The following DIAPH3 variants were observed in gnomAD, a reference collection of about 807,000 sequenced individuals.
DIAPH3 encodes the protein protein diaphanous homolog 3.
Under a neutral mutation model 144.3 loss-of-function variants are expected in DIAPH3, and 117 were observed. That is an observed-to-expected ratio of 0.81 (90% CI 0.70 to 0.95). The LOEUF (loss-of-function observed/expected upper bound fraction) is 0.95. DIAPH3 is among the 40% of genes least tolerant of loss of function. The pLI is 0.00. For missense variants in DIAPH3, 1,421 were observed against 1,412.7 expected (o/e 1.01, Z -0.09); for synonymous variants, 519 against 488.9 (o/e 1.06, Z -0.81).
intron 15 of DIAPH3, among the ~76,000 whole-genome samples, chr13:59,973,893 T>C (rs2050525294): frequency 6.6e-6 from 1 of 152,132 alleles, no homozygotes; most frequent in Non-Finnish European, 1.5e-5. Flanking sequence ...TTTTTTGTCA[T>C]GTTTTAAATC....
chr13:59,881,814 A>C lies in DIAPH3; in HGVS notation c.2368-2346T>G, dbSNP rs148263182. On this transcript the variant is annotated intron_variant, in intron 20 of 27. Transcript: ENST00000400324. ...AACAAAGCTTTGAACAACACTTAAA[A>C]AAAAAATTAGATGTCCTTTTCCTAT... Among the ~76,000 whole-genome samples, 540 of 152,294 alleles carry C rather than the reference A, an allele frequency of 3.5e-3. 4 individuals carry two copies. The highest frequency in any genetic ancestry group is 0.013 in the African/African-American group (525 of 41,582).
At chr13:59,707,545 T>C (rs2034498042) in intron 27 of DIAPH3, among the ~76,000 whole-genome samples, 1 of 152,230 alleles carries the variant, frequency 6.6e-6, no homozygotes. Flanking sequence ...CTGGTACTTC[T>C]GGGAGTTTAA....
At chr13:59,770,683 G>T (rs2038075955) in intron 27 of DIAPH3, among the ~76,000 whole-genome samples, 1 of 152,036 alleles carries the variant, frequency 6.6e-6, no homozygotes, top group African/African-American at 2.4e-5. Flanking sequence ...ATCCTTTCTG[G>T]AAGCCAGCTC....
intron 27 of DIAPH3, among the ~76,000 whole-genome samples, chr13:59,704,806 A>G (rs1161000440): frequency 6.6e-6 from 1 of 152,202 alleles, no homozygotes; most frequent in African/African-American, 2.4e-5. Flanking sequence ...TTATGTTCGC[A>G]TGACAACGAA....
intron 4 of DIAPH3, among the ~76,000 whole-genome samples, chr13:60,078,675 T>G (rs891374253): frequency 2.6e-5 from 4 of 151,972 alleles, no homozygotes; most frequent in African/African-American, 9.7e-5. Context: ...AGGCAAAATT[T>G]TCAGATGAAA....
chr13:59,879,358 G>A lies in DIAPH3; in HGVS notation c.2478C>T (p.Ala826=). The part of the protein sequence containing the change: ...IKPDIMAVST[A]CEEIKKSKSF... ...TTTTGCTCTTCTTTATCTCTTCGCAGGCAGTACTGACAGCCATGATGTCAG... is the reference window on the plus strand; with the variant it reads ...TTTTGCTCTTCTTTATCTCTTCGCAAGCAGTACTGACAGCCATGATGTCAG... Residue 826 remains alanine, a synonymous_variant, in exon 21 of 28, where the codon GCC becomes GCT. Transcript: ENST00000400324. The A allele has an allele frequency of 6.2e-7, 1 of 1,613,836 alleles. No individual in the cohort carries two copies. The highest frequency in any genetic ancestry group is 8.5e-7 in the Non-Finnish European group (1 of 1,179,842).
At chr13:60,042,551 T>C (rs2055758074) in intron 5 of DIAPH3, 139 bp downstream of exon 5, 2 of 1,028,082 alleles carry the variant, frequency 1.9e-6, no homozygotes, top group Admixed American at 2.1e-5. Context: ...ACTATATTTC[T>C]TCCTGCATAT....
intron 27 of DIAPH3, among the ~76,000 whole-genome samples, chr13:59,735,098 T>C (rs932051735): frequency 6.6e-6 from 1 of 151,692 alleles, no homozygotes; most frequent in Non-Finnish European, 1.5e-5. Flanking sequence ...TAATAAGACT[T>C]CTTGAAAAAC....
intron 9 of DIAPH3, among the ~76,000 whole-genome samples, chr13:59,998,021 T>G (rs2052311019): frequency 6.6e-6 from 1 of 152,162 alleles, no homozygotes; most frequent in South Asian, 2.1e-4. Context: ...AGAAATCATC[T>G]GTCTCTCTTT....
At chr13:59,891,617 C>T (rs2140126043) in intron 20 of DIAPH3, among the ~76,000 whole-genome samples, 1 of 152,034 alleles carries the variant, frequency 6.6e-6, no homozygotes, top group African/African-American at 2.4e-5. Flanking sequence ...ATTCAAGTTC[C>T]TGCTTAAATA....
chr13:60,078,633 T>TA (rs2057452005), intron 4 of DIAPH3, among the ~76,000 whole-genome samples: 2 of 151,976 alleles, frequency 1.3e-5, no homozygotes, highest in South Asian at 4.1e-4. Context: ...TAAAATATGA[T>TA]AAAAATTAAA....
chr13:60,143,675 C>G (rs1007868620), intron 1 of DIAPH3, among the ~76,000 whole-genome samples: 3 of 152,184 alleles, frequency 2.0e-5, no homozygotes, highest in Non-Finnish European at 4.4e-5. Context: ...TACTGCCTCT[C>G]CTGTGGGCTT....
At chr13:59,899,782 C>T (rs921043931) in intron 20 of DIAPH3, among the ~76,000 whole-genome samples, 10 of 152,046 alleles carry the variant, frequency 6.6e-5, no homozygotes, top group Admixed American at 1.3e-4. Context: ...TTTACATGCA[C>T]GTGATATAAA....
At chr13:59,885,551 A>G (rs1474877465) in intron 20 of DIAPH3, among the ~76,000 whole-genome samples, 1 of 151,806 alleles carries the variant, frequency 6.6e-6, no homozygotes, top group African/African-American at 2.4e-5. Context: ...AATATACCAA[A>G]ATTTGTGTAT....
chr13:60,019,356 C>T (rs1202502571), intron 5 of DIAPH3, among the ~76,000 whole-genome samples: 4 of 152,120 alleles, frequency 2.6e-5, no homozygotes, highest in Non-Finnish European at 5.9e-5. Flanking sequence ...TAAATATGCA[C>T]GTTTCTTCTT....
intron 9 of DIAPH3, among the ~76,000 whole-genome samples, chr13:59,996,794 T>C (rs1192126175): frequency 1.3e-5 from 2 of 151,954 alleles, no homozygotes; most frequent in Non-Finnish European, 2.9e-5. Context: ...GGAAAATCAT[T>C]AGAAGCCGAA....
intron 17 of DIAPH3, 96 bp from the exon 18 acceptor site, chr13:59,924,966 G>A: frequency 1.3e-6 from 2 of 1,486,876 alleles, no homozygotes; most frequent in Non-Finnish European, 9.0e-7. Context: ...AGCTAAAAAG[G>A]ATGTAACTCT....
chr13:60,132,798 G>A (rs1594750077), intron 2 of DIAPH3, among the ~76,000 whole-genome samples, 159 bp downstream of exon 2: 3 of 152,086 alleles, frequency 2.0e-5, no homozygotes. Context: ...ACAATTTAGT[G>A]TATTTTACCA....
At chr13:59,979,030 T>C (rs961274882) in intron 14 of DIAPH3, among the ~76,000 whole-genome samples, 17 of 151,688 alleles carry the variant, frequency 1.1e-4, no homozygotes, top group South Asian at 2.1e-4. Context: ...CATGTGTCCT[T>C]ATAAAACTAT....
Sources: gnomAD v4.1 joint callset for allele counts (sites outside exome capture counted in the v4.1 genomes callset) on GRCh38, gnomAD v4.1.1 for gene constraint, MANE v1.5 for transcripts, NCBI Gene and HGNC (gene_info 2026-07-23, HGNC 2026-07-21) for gene names.